The following HDX variants were observed in gnomAD, a reference collection of about 807,000 sequenced individuals.
HDX encodes chromosome X open reading frame 43.
Under a neutral mutation model 45.2 loss-of-function variants are expected in HDX, and 19 were observed. The observed-to-expected ratio is 0.42, with a 90% CI of 0.29 to 0.62. HDX has a LOEUF of 0.62. HDX is among the 20% of genes least tolerant of loss of function. The pLI, the probability that HDX is intolerant of heterozygous loss-of-function variation, is 0.20. For missense variants in HDX, 532 were observed against 493.9 expected (o/e 1.08, Z -0.73); for synonymous variants, 188 against 172.8 (o/e 1.09, Z -0.69).
At chrX:84,376,642 G>C (rs2038063527) in intron 5 of HDX, among the ~76,000 whole-genome samples, 1 of 112,312 alleles carries the variant, frequency 8.9e-6, no homozygotes, top group Non-Finnish European at 1.9e-5. Context: ...CAGGATGAGA[G>C]GATGAGGCTC....
intron 4 of HDX, 140 bp downstream of exon 4, chrX:84,468,332 C>A: frequency 2.6e-6 from 1 of 383,357 alleles, no homozygotes; most frequent in Non-Finnish European, 4.4e-6. Context: ...CAAGATTCTT[C>A]AAGGAGTTAA....
At chrX:84,366,973 G>A (rs1569297983) in intron 5 of HDX, among the ~76,000 whole-genome samples, 2 of 111,631 alleles carry the variant, frequency 1.8e-5, no homozygotes, top group Admixed American at 1.9e-4. Context: ...CAAAAGCAAT[G>A]GAAACAAAAG....
chrX:84,481,742 G>A (rs1458708896), intron 2 of HDX, among the ~76,000 whole-genome samples: 1 of 110,652 alleles, frequency 9.0e-6, no homozygotes, highest in Admixed American at 9.6e-5. Flanking sequence ...GATTCAGGAT[G>A]TATATATGAA....
chrX:84,453,718 T>G (rs1382060952), intron 4 of HDX, among the ~76,000 whole-genome samples: 1 of 111,785 alleles, frequency 8.9e-6, no homozygotes, highest in African/African-American at 3.3e-5. Flanking sequence ...GGGCTGCATA[T>G]GACCTAGTGA....
In HDX at chrX:84,398,939, A is replaced by T. The variant is rs147432733; in HGVS notation, c.1306-37327T>A. On this transcript the variant is annotated intron_variant, in intron 5 of 10. Transcript: ENST00000373177. ...CACTCAAAACCACACAATAACATGA[A>T]AATTGAACAACCTGCTCCTGAATGA... 2.9e-4 allele frequency among the ~76,000 whole-genome samples: 33 copies of T among 112,191 alleles called. No individual in the cohort carries two copies. In the East Asian group the frequency reaches 9.3e-3, roughly 32 times the overall value.
chrX:84,431,459 T>G (rs1207284405), intron 5 of HDX, among the ~76,000 whole-genome samples: 2 of 111,356 alleles, frequency 1.8e-5, no homozygotes, highest in Non-Finnish European at 3.8e-5. Context: ...CTAATAGACA[T>G]TCCTACTAGC....
At chrX:84,422,923 C>T (rs1373948395) in intron 5 of HDX, among the ~76,000 whole-genome samples, 2 of 109,932 alleles carry the variant, frequency 1.8e-5, no homozygotes, top group Non-Finnish European at 3.8e-5. Flanking sequence ...CCGCCTCGGC[C>T]TCCCAAAGTG....
chrX:84,424,788 CT>C (rs1024240888), intron 5 of HDX, among the ~76,000 whole-genome samples: 2 of 111,007 alleles, frequency 1.8e-5, no homozygotes, highest in African/African-American at 6.6e-5. Flanking sequence ...ACCCCTATCT[CT>C]CACCATAGAC....
intron 10 of HDX, among the ~76,000 whole-genome samples, chrX:84,323,705 A>C (rs1735861412): frequency 8.9e-6 from 1 of 112,075 alleles, no homozygotes; most frequent in Non-Finnish European, 1.9e-5. Context: ...TTCTTCTTTC[A>C]ATATCTTACT....
In HDX at chrX:84,448,883, T is replaced by A. The variant is rs189353024; in HGVS notation, c.1252-8298A>T. Among the ~76,000 whole-genome samples the A allele has an allele frequency of 1.1e-3, 115 of 107,311 alleles. 2 individuals carry two copies. The East Asian group carries it at 0.019, about 18-fold the overall frequency. 93.2% of individuals were successfully genotyped at this position (107,311 alleles called of 115,157 possible). Reference sequence around the variant, plus strand: ...GGAGATACAAGATAATTCAGAAAAATAATACAAAGAAATCAGAAAAACAAT... The same window carrying A: ...GGAGATACAAGATAATTCAGAAAAAAAATACAAAGAAATCAGAAAAACAAT... On this transcript the variant is annotated intron_variant, in intron 4 of 10. Coordinates refer to ENST00000373177, the MANE Select transcript of HDX (RefSeq NM_001177479.2).
intron 8 of HDX, among the ~76,000 whole-genome samples, chrX:84,336,359 A>G (rs934084184): frequency 2.7e-5 from 3 of 110,963 alleles, no homozygotes; most frequent in African/African-American, 9.8e-5. Context: ...TTCCAAACAC[A>G]CCATCAATAG....
At chrX:84,471,034 A>T (rs1021894045) in intron 3 of HDX, among the ~76,000 whole-genome samples, 2 of 112,005 alleles carry the variant, frequency 1.8e-5, no homozygotes, top group African/African-American at 6.5e-5. Context: ...ATGAAAAATG[A>T]AAACATTAAA....
At position 84,346,933 on chromosome X, in the gene HDX, C is replaced by A. The variant is rs2037220030; in HGVS notation, c.1453-2476G>T. Among the ~76,000 whole-genome samples, 4 of 110,879 alleles carry A rather than the reference C, an allele frequency of 3.6e-5. No individual in the cohort carries two copies. In the South Asian group the frequency reaches 1.5e-3, roughly 42 times the overall value. On this transcript the variant is annotated intron_variant, in intron 6 of 10. Coordinates refer to ENST00000373177, the MANE Select transcript of HDX (RefSeq NM_001177479.2). Reference sequence around the variant, plus strand: ...GAATCTATAGATCAATTGGAAAGAACTGAAATCTTGATATAATTGAGTTGT... The same window carrying A: ...GAATCTATAGATCAATTGGAAAGAAATGAAATCTTGATATAATTGAGTTGT...
intron 4 of HDX, among the ~76,000 whole-genome samples, chrX:84,445,460 A>G (rs1000499572): frequency 9.0e-6 from 1 of 110,573 alleles, no homozygotes; most frequent in African/African-American, 3.3e-5. Flanking sequence ...CACAGAGAAC[A>G]TTGCTGGGCA....
rs2040507512 is a variant in HDX, at chrX:84,474,348, G to A, written c.147+903C>T. On this transcript the variant is annotated intron_variant, in intron 3 of 10. Transcript: ENST00000373177. ...ATCCTGGATATTTTTGTCTAGAATT[G>A]GTGGTACAATTCCCTATTTGAAGGC... 2.7e-5 allele frequency among the ~76,000 whole-genome samples: 3 copies of A among 112,255 alleles called. No homozygotes were observed. In the Admixed American group the frequency reaches 2.8e-4, roughly 11 times the overall value.
chrX:84,342,542 A>T lies in HDX; in HGVS notation c.1660+1708T>A, dbSNP rs866696846. Among the ~76,000 whole-genome samples the T allele has an allele frequency of 4.6e-3, 291 of 63,852 alleles. 5 individuals are homozygous for T. Among genetic ancestry groups the T allele is most frequent in the Non-Finnish European group, 4.7e-3 (136 of 29,024 alleles). 55.4% of individuals were successfully genotyped at this position (63,852 alleles called of 115,157 possible). A position where few individuals can be genotyped will look rare whatever the true frequency, so the allele number is the denominator to read the frequency against. On this transcript the variant is annotated intron_variant, in intron 7 of 10. Transcript: ENST00000373177. The stretch of plus-strand genomic sequence containing the variant: ...GCATGTGTGTGTGTGTGTGTGTGAG[A>T]GAGAGAGAGAGTGTGTGTGTGTATT...
chrX:84,349,721 T>A lies in HDX; in HGVS notation c.1453-5264A>T, dbSNP rs986303924. Among the ~76,000 whole-genome samples, 4 of 104,244 alleles carry A rather than the reference T, an allele frequency of 3.8e-5. No homozygotes were observed. The Admixed American group carries it at 4.2e-4, about 11-fold the overall frequency. 90.5% of individuals were successfully genotyped at this position (104,244 alleles called of 115,157 possible). ...GTGTGTGTGCACACACACCATAGAATACTACTCAGTCTTAAAAAAAGAATA... is the reference window on the plus strand; with the variant it reads ...GTGTGTGTGCACACACACCATAGAAAACTACTCAGTCTTAAAAAAAGAATA... On this transcript the variant is annotated intron_variant, in intron 6 of 10. Transcript: ENST00000373177.
intron 4 of HDX, among the ~76,000 whole-genome samples, chrX:84,456,127 G>A (rs2040108090): frequency 8.9e-6 from 1 of 111,926 alleles, no homozygotes; most frequent in Non-Finnish European, 1.9e-5. Flanking sequence ...GAAATCATCT[G>A]ATGGTACAAA....
intron 9 of HDX, among the ~76,000 whole-genome samples, chrX:84,332,104 A>C (rs745995377): frequency 2.1e-4 from 23 of 111,744 alleles, no homozygotes; most frequent in Admixed American, 2.0e-3. Flanking sequence ...AGCTTTTTAA[A>C]ACCAACATCC....
Sources: allele counts gnomAD v4.1 joint callset (sites outside exome capture counted in the v4.1 genomes callset), GRCh38; gene constraint gnomAD v4.1.1; transcripts MANE v1.5; gene names NCBI Gene and HGNC (gene_info 2026-07-23, HGNC 2026-07-21).